CNTNAP2: variants seen among roughly 807,000 people sequenced by gnomAD.
CNTNAP2 encodes the protein contactin-associated protein-like 2.
Under a neutral mutation model 155.2 loss-of-function variants are expected in CNTNAP2, and 98 were observed. The ratio of observed to expected loss-of-function variants is 0.63; its 90% confidence interval spans 0.54 to 0.75. The LOEUF is 0.75. Among genes scored for constraint, CNTNAP2 ranks in the 30% least tolerant of loss-of-function variants. CNTNAP2 has a pLI of 0.00. For missense variants in CNTNAP2, 1,727 were observed against 1,688.1 expected (o/e 1.02, Z -0.40); for synonymous variants, 651 against 631.2 (o/e 1.03, Z -0.47).
intron 1 of CNTNAP2, among the ~76,000 whole-genome samples, chr7:146,647,991 T>A (rs1245214650): frequency 2.0e-5 from 3 of 152,092 alleles, no homozygotes; most frequent in African/African-American, 7.2e-5. Context: ...CATCACCCAA[T>A]GTACCACAAT....
At chr7:147,737,177 A>G (rs1340892586) in intron 13 of CNTNAP2, among the ~76,000 whole-genome samples, 2 of 152,040 alleles carry the variant, frequency 1.3e-5, no homozygotes, top group African/African-American at 2.4e-5. Flanking sequence ...GTGTTTGATG[A>G]TGGTGACGTA....
chr7:146,157,088 C>T (rs919643928), intron 1 of CNTNAP2, among the ~76,000 whole-genome samples: 31 of 151,732 alleles, frequency 2.0e-4, no homozygotes, highest in Admixed American at 1.9e-3. Context: ...TGTATGATTC[C>T]TCAATCTAAC....
intron 21 of CNTNAP2, among the ~76,000 whole-genome samples, chr7:148,317,626 C>T (rs1379067186): frequency 6.6e-6 from 1 of 152,118 alleles, no homozygotes; most frequent in African/African-American, 2.4e-5. Flanking sequence ...TTAGAGCCCA[C>T]GTGGGATTCA....
chr7:146,904,297 A>T (rs1381086400), intron 3 of CNTNAP2, among the ~76,000 whole-genome samples: 1 of 152,086 alleles, frequency 6.6e-6, no homozygotes, highest in Non-Finnish European at 1.5e-5. Flanking sequence ...ACCTTTTCAG[A>T]TAGAACATCC....
At chr7:147,030,523 T>A (rs1409095472) in intron 3 of CNTNAP2, among the ~76,000 whole-genome samples, 1 of 152,236 alleles carries the variant, frequency 6.6e-6, no homozygotes, top group East Asian at 1.9e-4. Context: ...TAAGTATTTT[T>A]AATCAATTTG....
chr7:146,310,638 A>G (rs765843093), intron 1 of CNTNAP2, among the ~76,000 whole-genome samples: 2 of 152,044 alleles, frequency 1.3e-5, no homozygotes, highest in African/African-American at 2.4e-5. Context: ...AATTGTTAAT[A>G]TATCTTTGAC....
intron 3 of CNTNAP2, among the ~76,000 whole-genome samples, chr7:147,029,666 T>G (rs1481244658): frequency 1.3e-5 from 2 of 152,032 alleles, no homozygotes; most frequent in Admixed American, 6.6e-5. Flanking sequence ...AAACATTACC[T>G]GGTATTAATC....
intron 1 of CNTNAP2, among the ~76,000 whole-genome samples, chr7:146,348,783 GT>G (rs1451045952): frequency 6.7e-6 from 1 of 149,118 alleles, no homozygotes; most frequent in Non-Finnish European, 1.5e-5. Flanking sequence ...GTGTTAAGAT[GT>G]TTTTTAAAAA....
At chr7:147,809,148 C>A (rs537022115) in intron 13 of CNTNAP2, among the ~76,000 whole-genome samples, 183 of 152,280 alleles carry the variant, frequency 1.2e-3, no homozygotes, top group African/African-American at 4.1e-3. Flanking sequence ...CTGGGACGAA[C>A]CTAGATGAGG....
intron 21 of CNTNAP2, among the ~76,000 whole-genome samples, chr7:148,345,001 C>T (rs537267639): frequency 2.6e-5 from 4 of 152,292 alleles, no homozygotes; most frequent in South Asian, 4.1e-4. Context: ...AGTGGTGGAG[C>T]CATGGCTGGA....
At chr7:146,997,676 G>T (rs912379472) in intron 3 of CNTNAP2, among the ~76,000 whole-genome samples, 1 of 151,988 alleles carries the variant, frequency 6.6e-6, no homozygotes, top group Non-Finnish European at 1.5e-5. Flanking sequence ...AAGCCATGAG[G>T]TCCTGGGCTT....
At chr7:147,852,820 A>T (rs1563111744) in intron 13 of CNTNAP2, among the ~76,000 whole-genome samples, 1 of 152,154 alleles carries the variant, frequency 6.6e-6, no homozygotes, top group East Asian at 1.9e-4. Context: ...GAGACTACGG[A>T]TCCTCTGCTG....
intron 1 of CNTNAP2, among the ~76,000 whole-genome samples, chr7:146,547,920 C>A (rs1798053767): frequency 1.3e-5 from 2 of 151,498 alleles, no homozygotes; most frequent in Admixed American, 1.3e-4. Flanking sequence ...CAATACCATG[C>A]ATGGGCTCCA....
chr7:148,179,138 A>C (rs965103513), intron 18 of CNTNAP2, among the ~76,000 whole-genome samples: 1 of 152,196 alleles, frequency 6.6e-6, no homozygotes, highest in African/African-American at 2.4e-5. Flanking sequence ...CAATGTATCC[A>C]GTCCTTTCAA....
At chr7:147,803,555 T>C (rs1798040629) in intron 13 of CNTNAP2, among the ~76,000 whole-genome samples, 1 of 152,146 alleles carries the variant, frequency 6.6e-6, no homozygotes. Flanking sequence ...ACCTTAGAGA[T>C]AGTAATATAT....
intron 3 of CNTNAP2, among the ~76,000 whole-genome samples, chr7:146,921,308 A>G (rs1029753287): frequency 2.6e-5 from 4 of 152,202 alleles, no homozygotes; most frequent in Non-Finnish European, 4.4e-5. Flanking sequence ...ATGAAAAGGA[A>G]AAACAATGTC....
At chr7:147,155,020 C>T (rs1245283122) in intron 8 of CNTNAP2, among the ~76,000 whole-genome samples, 3 of 152,116 alleles carry the variant, frequency 2.0e-5, no homozygotes, top group South Asian at 2.1e-4. Flanking sequence ...TCAAGAGGAA[C>T]ACTGGAGCAC....
At chr7:148,276,874 A>G (rs1432880850) in intron 21 of CNTNAP2, among the ~76,000 whole-genome samples, 1 of 152,228 alleles carries the variant, frequency 6.6e-6, no homozygotes, top group Admixed American at 6.5e-5. Context: ...AGCAGCTCAC[A>G]TATGTGGAGA....
intron 13 of CNTNAP2, among the ~76,000 whole-genome samples, chr7:147,902,088 G>A (rs1009632392): frequency 2.0e-5 from 3 of 152,218 alleles, no homozygotes; most frequent in African/African-American, 4.8e-5. Flanking sequence ...ATTGTATGGT[G>A]TAGAATCAGT....
Sources: gnomAD v4.1 joint callset for allele counts (sites outside exome capture counted in the v4.1 genomes callset) on GRCh38, gnomAD v4.1.1 for gene constraint, MANE v1.5 for transcripts, NCBI Gene and HGNC (gene_info 2026-07-23, HGNC 2026-07-21) for gene names.